The following DIP2A variants were observed in gnomAD, a reference collection of about 807,000 sequenced individuals.
DIP2A encodes the protein disco-interacting protein 2 homolog A.
DIP2A carries 85 observed loss-of-function variants against 177.4 expected under a neutral mutation model. That is an observed-to-expected ratio of 0.48 (90% CI 0.40 to 0.57). The LOEUF is 0.57. Ranked by LOEUF, DIP2A falls within the 20% of genes least tolerant of loss-of-function variation. DIP2A has a pLI of 0.00. For missense variants in DIP2A, 1,791 were observed against 2,100.2 expected (o/e 0.85, Z 2.88); for synonymous variants, 886 against 881.8 (o/e 1.00, Z -0.08).
At chr21:46,529,847 T>C (rs1037888311) in intron 9 of DIP2A, among the ~76,000 whole-genome samples, 2 of 152,230 alleles carry the variant, frequency 1.3e-5, no homozygotes, top group Non-Finnish European at 2.9e-5. Context: ...TCTCCTTCCC[T>C]ATTCTATGTG....
chr21:46,576,495 G>A, the DIP2A span, among the ~76,000 whole-genome samples: 4 of 152,138 alleles, frequency 2.6e-5, no homozygotes, highest in Non-Finnish European at 4.4e-5. Flanking sequence ...TGGTGTAAAT[G>A]TACCACATTT....
At chr21:46,579,707 T>C in the DIP2A span, among the ~76,000 whole-genome samples, 4 of 152,230 alleles carry the variant, frequency 2.6e-5, no homozygotes, top group Admixed American at 2.6e-4. Flanking sequence ...AATTTTATTG[T>C]TTACCCAGGA....
intron 34 of DIP2A, among the ~76,000 whole-genome samples, chr21:46,562,686 C>T (rs564096094): frequency 3.3e-5 from 5 of 152,276 alleles, no homozygotes; most frequent in South Asian, 2.1e-4. Context: ...AGAAGGAGTG[C>T]GTGAGTGAGT....
In DIP2A at chr21:46,567,464, G is replaced by A. The variant is rs758469406; in HGVS notation, c.4558G>A (p.Val1520Met). The change falls in exon 38 of 38, where the codon GTG becomes ATG. Residue 1520 changes from valine (V) to methionine (M), a missense_variant. Transcript: ENST00000417564. ...GGACCTGGTGGCCCTGGTGACCAAC[G>A]TGGTGCTGGAGGAGCACTACCTGGT... is the stretch of plus-strand genomic sequence containing the variant. ...ALDLVALVTN[V>M]VLEEHYLVVG... The A allele has an allele frequency of 4.3e-6, 7 of 1,613,866 alleles. No homozygotes were observed. Among genetic ancestry groups the A allele is most frequent in the South Asian group, 2.2e-5 (2 of 91,082 alleles).
rs573526173 is a variant in DIP2A, at chr21:46,566,201, C to G, written c.4339+314C>G. Among the ~76,000 whole-genome samples the G allele has an allele frequency of 9.2e-5, 14 of 152,334 alleles. No homozygotes were observed. In the East Asian group the frequency reaches 2.3e-3, roughly 25 times the overall value. The stretch of plus-strand genomic sequence containing the variant: ...TCTTTACCAGTGGCTTCCCCATGCA[C>G]AACCCATTTAAGGTTGTGGTCAATG... On this transcript the variant is annotated intron_variant, in intron 36 of 37. Coordinates refer to ENST00000417564, the MANE Select transcript of DIP2A (RefSeq NM_015151.4).
At position 46,495,224 on chromosome 21, in the gene DIP2A, CT is replaced by C. The variant is rs1486939654; in HGVS notation, c.284-1762del. Among the ~76,000 whole-genome samples the C allele has an allele frequency of 9.2e-4, 76 of 83,056 alleles. 1 individual carries two copies. Among genetic ancestry groups the C allele is most frequent in the East Asian group, 4.6e-3 (15 of 3,262 alleles). 54.5% of individuals were successfully genotyped at this position (83,056 alleles called of 152,430 possible). On this transcript the variant is annotated intron_variant, in intron 3 of 37. Coordinates refer to ENST00000417564, the MANE Select transcript of DIP2A (RefSeq NM_015151.4). Reference sequence around the variant, plus strand: ...CTTCTCTTCTCTTCTCTTCTCTTCTCTTCTCTTCTCTTCTCTTCTTTCTCTC... The same window carrying C: ...CTTCTCTTCTCTTCTCTTCTCTTCTCTCTCTTCTCTTCTCTTCTTTCTCTC...
intron 1 of DIP2A, among the ~76,000 whole-genome samples, chr21:46,476,079 C>A (rs1202132305): frequency 2.6e-4 from 35 of 134,522 alleles, no homozygotes; most frequent in Non-Finnish European, 3.0e-4. Flanking sequence ...ACTAAAAATA[C>A]AAAAAAAAAA....
At chr21:46,467,287 C>G (rs1219421788) in intron 1 of DIP2A, among the ~76,000 whole-genome samples, 1 of 127,500 alleles carries the variant, frequency 7.8e-6, no homozygotes, top group Non-Finnish European at 1.7e-5. Flanking sequence ...CAGAGCGAGA[C>G]TCCGTCTCAA....
At chr21:46,488,253 A>G (rs946075313) in intron 2 of DIP2A, among the ~76,000 whole-genome samples, 1 of 152,236 alleles carries the variant, frequency 6.6e-6, no homozygotes, top group Non-Finnish European at 1.5e-5. Flanking sequence ...CTTCAGAATA[A>G]TTAAAGTTCT....
Position 46,459,182 on chromosome 21 carries a change from G to C in DIP2A, c.51G>C (p.Val17=). Residue 17 remains valine, a synonymous_variant, in exon 1 of 38, where the codon GTG becomes GTC. Coordinates refer to ENST00000417564, the MANE Select transcript of DIP2A (RefSeq NM_015151.4). ...AGGCGGCGCCGCTGCCTGCCGAGGT[G>C]CGGGAGAGCCTGGCTGAGCTGGAGC... ...PLEAAPLPAE[V]RESLAELELE... 6.6e-7 allele frequency: 1 copy of C among 1,525,230 alleles called. No individual in the cohort carries two copies. The highest frequency in any genetic ancestry group is 8.8e-7 in the Non-Finnish European group (1 of 1,136,942). 94.5% of individuals were successfully genotyped at this position (1,525,230 alleles called of 1,614,324 possible).
At chr21:46,534,228 C>G in intron 12 of DIP2A, 115 bp downstream of exon 12, 1 of 782,344 alleles carries the variant, frequency 1.3e-6, no homozygotes, top group Non-Finnish European at 2.1e-6. Context: ...CCTAAGAGTT[C>G]TTGTTTTATC....
rs1482108714 is a variant in DIP2A at position 46,546,904 on chromosome 21, C to T, written c.2395-11C>T. The T allele has an allele frequency of 3.3e-5, 54 of 1,613,390 alleles. No individual in the cohort carries two copies. Among genetic ancestry groups the T allele is most frequent in the Non-Finnish European group, 4.6e-5 (54 of 1,179,662 alleles). On this transcript the variant is annotated splice_polypyrimidine_tract_variant and intron_variant, in intron 20 of 37. Coordinates refer to ENST00000417564, the MANE Select transcript of DIP2A (RefSeq NM_015151.4). The stretch of plus-strand genomic sequence containing the variant: ...TGTGGGTGGAGTCTTGACGCACACC[C>T]TTTCCCTCAGGACAACCTGGTCTTC...
intron 1 of DIP2A, among the ~76,000 whole-genome samples, chr21:46,477,400 G>A (rs1028852423): frequency 6.6e-6 from 1 of 151,536 alleles, no homozygotes; most frequent in African/African-American, 2.4e-5. Context: ...GGTGGCAGGC[G>A]CCTGTAATCC....
Position 46,547,011 on chromosome 21 carries a change from G to T in DIP2A, c.2491G>T (p.Val831Leu), listed in dbSNP as rs765372886. 1 of 1,613,848 alleles carries T rather than the reference G, an allele frequency of 6.2e-7. No homozygotes were observed. The highest frequency in any genetic ancestry group is 1.1e-5 in the South Asian group (1 of 91,072). Residue 831 changes from valine to leucine, a missense_variant, in exon 21 of 38, where the codon GTG becomes TTG. Transcript: ENST00000417564. Reference protein sequence around the residue: ...ADDVVATALAVEPMKFVYRGR... With the variant: ...ADDVVATALALEPMKFVYRGR... ...TGACGTTGTGGCCACCGCACTGGCC[G>T]TGGAGCCCATGAAGTTTGTCTACAG...
intron 2 of DIP2A, among the ~76,000 whole-genome samples, chr21:46,488,125 AAAG>A (rs1423292686): frequency 1.3e-5 from 2 of 152,214 alleles, no homozygotes; most frequent in African/African-American, 4.8e-5. Flanking sequence ...CAGTGGAAGA[AAAG>A]AAGTCCAGAA....
intron 8 of DIP2A, among the ~76,000 whole-genome samples, chr21:46,516,773 A>G (rs11701815): frequency 0.43 from 65,539 of 151,642 alleles, 14,527 homozygotes; most frequent in African/African-American, 0.51. Context: ...GATTACAGCC[A>G]TGAGCCACCG....
Position 46,556,784 on chromosome 21 carries a change from G to T in DIP2A, c.3499-155G>T. On this transcript the variant is annotated intron_variant, in intron 29 of 37. Transcript: ENST00000417564. The surrounding 1 kb of genome is among the most constrained non-coding windows in gnomAD (Gnocchi z 4.5). The stretch of plus-strand genomic sequence containing the variant: ...TCTTGGGTATTATTTAGGTTATATG[G>T]GGATTTGAGCCAACCGTCTTTTAAG... The T allele has an allele frequency of 1.6e-6, 1 of 639,462 alleles. No individual in the cohort carries two copies. Among genetic ancestry groups the T allele is most frequent in the Admixed American group, 3.1e-5 (1 of 32,604 alleles). The allele number at this position is 639,462 out of a possible 1,614,324, so 39.6% of individuals were successfully genotyped here.
At position 46,458,982 on chromosome 21, in the gene DIP2A, C is replaced by T. The variant is rs1290708046; in HGVS notation, c.-150C>T. 17 of 580,568 alleles carry T rather than the reference C, an allele frequency of 2.9e-5. No individual in the cohort carries two copies. The highest frequency in any genetic ancestry group is 1.8e-4 in the Admixed American group (4 of 22,348). The allele number at this position is 580,568 out of a possible 1,614,324, so 36.0% of individuals were successfully genotyped here. ...CGTGCCCGCGCGGGTGCGTTGCTGT[C>T]CTGGCCGCGCCCCTGTCCCGCCGCC... On this transcript the variant is annotated 5_prime_UTR_variant, in exon 1 of 38. Coordinates refer to ENST00000417564, the MANE Select transcript of DIP2A (RefSeq NM_015151.4).
At chr21:46,485,276 T>C (rs2148439516) in intron 2 of DIP2A, among the ~76,000 whole-genome samples, 1 of 152,204 alleles carries the variant, frequency 6.6e-6, no homozygotes, top group East Asian at 1.9e-4. Context: ...GAGTTAGTTC[T>C]AAAATGTATA....
Sources: allele counts gnomAD v4.1 joint callset (sites outside exome capture counted in the v4.1 genomes callset), GRCh38; gene constraint gnomAD v4.1.1; non-coding constraint Gnocchi (gnomAD v3.1); transcripts MANE v1.5; gene names NCBI Gene and HGNC (gene_info 2026-07-23, HGNC 2026-07-21).